CDIN1: variants seen among roughly 807,000 people sequenced by gnomAD.
CDIN1 encodes the protein CDAN1 interacting nuclease 1.
In CDIN1, 33 loss-of-function variants were observed where a neutral mutation model predicts 45.3. The ratio of observed to expected loss-of-function variants is 0.73; its 90% CI spans 0.55 to 0.97. The LOEUF (loss-of-function observed/expected upper bound fraction) is 0.97, where lower values mean the gene tolerates loss of function less well. CDIN1 is among the 50% of genes least tolerant of loss of function. The probability of loss-of-function intolerance (pLI) is 0.00; values close to 1 mark genes in which losing one functional copy is unlikely to be tolerated. For missense variants in CDIN1, 303 were observed against 339.4 expected (o/e 0.89, Z 0.84); for synonymous variants, 118 against 124.4 (o/e 0.95, Z 0.34).
chr15:36,796,449 A>T (rs985721653), intron 10 of CDIN1, among the ~76,000 whole-genome samples: 9 of 152,174 alleles, frequency 5.9e-5, no homozygotes, highest in Non-Finnish European at 7.3e-5. Context: ...AATAGAAAAA[A>T]ATTACAAAGC....
intron 10 of CDIN1, among the ~76,000 whole-genome samples, chr15:36,772,811 T>C (rs2054113154): frequency 6.6e-6 from 1 of 152,218 alleles, no homozygotes; most frequent in Admixed American, 6.5e-5. Context: ...TCCAAAAGAA[T>C]TGTGTTAACA....
At chr15:36,647,023 C>CTTTTTTT (rs11433757) in intron 3 of CDIN1, among the ~76,000 whole-genome samples, 2 of 122,314 alleles carry the variant, frequency 1.6e-5, no homozygotes, top group African/African-American at 3.2e-5. Flanking sequence ...AAATAAATAT[C>CTTTTTTT]TTTTTTTTTT....
intron 5 of CDIN1, among the ~76,000 whole-genome samples, chr15:36,672,996 GA>G: frequency 6.6e-6 from 1 of 152,152 alleles, no homozygotes; most frequent in Admixed American, 6.6e-5. Context: ...ATGATCAGAC[GA>G]AAAGGCATTA....
chr15:36,786,654 C>G (rs1315605880), intron 10 of CDIN1, among the ~76,000 whole-genome samples: 1 of 152,180 alleles, frequency 6.6e-6, no homozygotes, highest in East Asian at 1.9e-4. Context: ...CTTTCATTCT[C>G]TTTCTGCTGT....
At chr15:36,640,341 G>T (rs570852368) in intron 1 of CDIN1, among the ~76,000 whole-genome samples, 2 of 152,048 alleles carry the variant, frequency 1.3e-5, no homozygotes, top group Non-Finnish European at 2.9e-5. Flanking sequence ...ACAGACAGCT[G>T]GTGTTCCATT....
At chr15:36,613,761 G>C in intron 1 of CDIN1, 1 of 1,600,222 alleles carries the variant, frequency 6.2e-7, no homozygotes, top group Non-Finnish European at 8.5e-7. Flanking sequence ...TTTGAAAACC[G>C]GGCCTTAAAA....
intron 10 of CDIN1, among the ~76,000 whole-genome samples, chr15:36,806,364 C>A (rs997850996): frequency 2.0e-5 from 3 of 152,062 alleles, no homozygotes; most frequent in Non-Finnish European, 4.4e-5. Context: ...CTCTCACTTG[C>A]TCAGTGCTGG....
intron 10 of CDIN1, among the ~76,000 whole-genome samples, chr15:36,721,708 A>G (rs532799538): frequency 1.8e-4 from 27 of 152,088 alleles, no homozygotes; most frequent in African/African-American, 5.8e-4. Context: ...GTGTCTTTAC[A>G]TATATGCACT....
At chr15:36,801,468 G>A (rs550990245) in intron 10 of CDIN1, among the ~76,000 whole-genome samples, 5 of 151,928 alleles carry the variant, frequency 3.3e-5, no homozygotes, top group African/African-American at 1.2e-4. Context: ...GGGGCCTTTG[G>A]GGCATACTGT....
At chr15:36,747,299 G>A (rs374761079) in intron 10 of CDIN1, 6 of 275,080 alleles carry the variant, frequency 2.2e-5, no homozygotes, top group African/African-American at 8.8e-5. Context: ...TCATTCCCAA[G>A]TAAATTTATT....
At chr15:36,697,594 T>C (rs1233983928) in intron 8 of CDIN1, among the ~76,000 whole-genome samples, 1 of 152,218 alleles carries the variant, frequency 6.6e-6, no homozygotes, top group Non-Finnish European at 1.5e-5. Context: ...TAATATTTTA[T>C]AGAATAAGTG....
chr15:36,757,798 G>A (rs770263054), intron 10 of CDIN1, among the ~76,000 whole-genome samples: 1 of 151,012 alleles, frequency 6.6e-6, no homozygotes, highest in Non-Finnish European at 1.5e-5. Context: ...CTAATGCTAT[G>A]CCACCAGGCC....
chr15:36,580,239 G>A (rs1188654815), intron 1 of CDIN1, among the ~76,000 whole-genome samples: 3 of 152,222 alleles, frequency 2.0e-5, no homozygotes, highest in African/African-American at 7.2e-5. Flanking sequence ...GGTGATGGGT[G>A]AACATAGTAG....
chr15:36,602,305 C>G (rs899715600), intron 1 of CDIN1, among the ~76,000 whole-genome samples: 1 of 152,190 alleles, frequency 6.6e-6, no homozygotes, highest in African/African-American at 2.4e-5. Context: ...TAATGGCTCA[C>G]AGTTTTAAAA....
chr15:36,637,910 A>T (rs969525528), intron 1 of CDIN1, among the ~76,000 whole-genome samples: 1 of 152,172 alleles, frequency 6.6e-6, no homozygotes, highest in African/African-American at 2.4e-5. Context: ...GGGTGGTAAA[A>T]CTATCAAGAA....
At chr15:36,645,494 T>TTGTG (rs57349735) in intron 3 of CDIN1, among the ~76,000 whole-genome samples, 17,311 of 143,338 alleles carry the variant, frequency 0.12, 1,079 homozygotes, top group Middle Eastern at 0.14. Flanking sequence ...CTGTCTTGAC[T>TTGTG]TGTGTGTGTG....
At chr15:36,777,630 A>G (rs1046182002) in intron 10 of CDIN1, among the ~76,000 whole-genome samples, 4 of 152,008 alleles carry the variant, frequency 2.6e-5, no homozygotes, top group Non-Finnish European at 5.9e-5. Context: ...TTATATTTTT[A>G]TTTTTTGAGA....
chr15:36,753,275 C>A (rs1208622399), intron 10 of CDIN1, among the ~76,000 whole-genome samples: 16 of 152,230 alleles, frequency 1.1e-4, no homozygotes. Flanking sequence ...AGCGCTAGTT[C>A]ACAGGCAGCA....
intron 1 of CDIN1, among the ~76,000 whole-genome samples, chr15:36,600,261 A>G (rs1189438815): frequency 6.6e-6 from 1 of 152,228 alleles, no homozygotes; most frequent in Non-Finnish European, 1.5e-5. Flanking sequence ...GAAGTGTTTA[A>G]AAGAAAACTG....
Sources: allele counts gnomAD v4.1 joint callset (sites outside exome capture counted in the v4.1 genomes callset), GRCh38; gene constraint gnomAD v4.1.1; transcripts MANE v1.5; gene names NCBI Gene and HGNC (gene_info 2026-07-23, HGNC 2026-07-21).